PLB1: variants seen among roughly 807,000 people sequenced by gnomAD.
The protein encoded by PLB1 is phospholipase B1, also known as phospholipase B1, membrane-associated.
In PLB1, 242 loss-of-function variants were observed where a neutral mutation model predicts 227.4. The observed-to-expected ratio is 1.06, with a 90% CI of 0.96 to 1.18. The LOEUF (loss-of-function observed/expected upper bound fraction) is 1.18, where lower values mean the gene tolerates loss of function less well. PLB1 is among the 50% of genes most tolerant of loss of function. The pLI is 0.00. For missense variants in PLB1, 1,858 were observed against 1,816.3 expected, an observed-to-expected ratio of 1.02 and a Z score of -0.42; for synonymous variants, 757 against 682.2, an observed-to-expected ratio of 1.11 and a Z score of -1.71.
intron 6 of PLB1, among the ~76,000 whole-genome samples, chr2:28,526,470 A>T (rs1448260402): frequency 6.6e-6 from 1 of 152,240 alleles, no homozygotes; most frequent in Non-Finnish European, 1.5e-5. Context: ...AGAGATAATT[A>T]TTGTTAGCAT....
At position 28,539,094 on chromosome 2, in the gene PLB1, C is replaced by G; in HGVS notation, c.619-5C>G. The G allele has an allele frequency of 6.2e-7, 1 of 1,611,284 alleles. No homozygotes were observed. Among genetic ancestry groups the G allele is most frequent in the Non-Finnish European group, 8.5e-7 (1 of 1,177,340 alleles). The stretch of plus-strand genomic sequence containing the variant: ...ACTCACCTCCCTCTCTGTGTGTCCT[C>G]CTAGGTCCCCAGAGCATTTGTAAAC... On this transcript the variant is annotated splice_polypyrimidine_tract_variant and splice_region_variant and intron_variant, in intron 10 of 57. Coordinates refer to ENST00000327757, the MANE Select transcript of PLB1 (RefSeq NM_153021.5).
chr2:28,573,454 A>G, intron 21 of PLB1, 149 bp downstream of exon 21: 1 of 638,694 alleles, frequency 1.6e-6, no homozygotes, highest in Non-Finnish European at 2.8e-6. Context: ...GCTCTCTTGG[A>G]GGTGTCACAG....
At chr2:28,543,916 A>G (rs1672856370) in intron 14 of PLB1, among the ~76,000 whole-genome samples, 1 of 152,232 alleles carries the variant, frequency 6.6e-6, no homozygotes, top group Non-Finnish European at 1.5e-5. Flanking sequence ...GGGATTAGTC[A>G]GGGGATGGAA....
In PLB1 at chr2:28,540,363, C is replaced by A. The variant is rs79986357; in HGVS notation, c.699-3C>A. 53,175 of 1,613,344 alleles carry A rather than the reference C, an allele frequency of 0.033. 1,195 individuals carry two copies. Among genetic ancestry groups the A allele is most frequent in the Middle Eastern group, 0.08 (485 of 6,060 alleles). On this transcript the variant is annotated splice_region_variant and splice_polypyrimidine_tract_variant and intron_variant, in intron 11 of 57. Coordinates refer to ENST00000327757, the MANE Select transcript of PLB1 (RefSeq NM_153021.5). The stretch of plus-strand genomic sequence containing the variant: ...CTCATTCCTGGTGTGTTTTAACCTG[C>A]AGCCCTGCACCAGAGCCCTGTAATT...
chr2:28,573,096 G>C (rs1181929386), intron 20 of PLB1, 101 bp from the exon 21 acceptor site: 34 of 879,572 alleles, frequency 3.9e-5, no homozygotes, highest in Non-Finnish European at 9.2e-6. Flanking sequence ...AGGGGCTGCG[G>C]AGTGGGGACT....
Position 28,620,658 on chromosome 2 carries a change from A to G in PLB1, c.3427+15A>G. 1 of 1,613,880 alleles carries G rather than the reference A, an allele frequency of 6.2e-7. No homozygotes were observed. The highest frequency in any genetic ancestry group is 1.1e-5 in the South Asian group (1 of 91,004). On this transcript the variant is annotated intron_variant, in intron 48 of 57. Transcript: ENST00000327757. ...CACACTGCCCAGTAAGTAGCAGCCC[A>G]GAGAGGCACCATCACTGTGGCCGTC...
intron 14 of PLB1, among the ~76,000 whole-genome samples, chr2:28,545,658 G>A (rs1020782357): frequency 1.3e-5 from 2 of 152,190 alleles, no homozygotes; most frequent in African/African-American, 4.8e-5. Context: ...AGGGCATTGG[G>A]CTCCTTCCTA....
At chr2:28,585,663 A>G (rs1195992805) in intron 25 of PLB1, 98 bp from the exon 26 acceptor site, 13 of 1,017,488 alleles carry the variant, frequency 1.3e-5, no homozygotes, top group Non-Finnish European at 1.9e-5. Flanking sequence ...ACTCCAAGTT[A>G]AAAGAAATGT....
chr2:28,532,256 A>C, intron 9 of PLB1, 62 bp downstream of exon 9: 1 of 1,360,570 alleles, frequency 7.3e-7, no homozygotes, highest in Non-Finnish European at 1.0e-6. Flanking sequence ...GAGTGAACTA[A>C]ACCTGCCTGA....
At chr2:28,593,173 T>C (rs1012109374) in intron 32 of PLB1, among the ~76,000 whole-genome samples, 36 of 152,132 alleles carry the variant, frequency 2.4e-4, no homozygotes, top group Non-Finnish European at 1.3e-4. Flanking sequence ...GGGGCTATTT[T>C]ACTATCCCAG....
Position 28,518,481 on chromosome 2 carries a change from C to G in PLB1, c.133C>G (p.Pro45Ala), listed in dbSNP as rs1298368025. 2.5e-6 allele frequency: 4 copies of G among 1,612,590 alleles called. No homozygotes were observed. Among genetic ancestry groups the G allele is most frequent in the African/African-American group, 2.7e-5 (2 of 75,034 alleles). ...TCAATTGCAGACCCTGAAGAATTCTCCATTCCCATGCAACCCAAATAAATT... is the reference window on the plus strand; with the variant it reads ...TCAATTGCAGACCCTGAAGAATTCTGCATTCCCATGCAACCCAAATAAATT... Reference protein sequence around the residue: ...QLWPETLKNSPFPCNPNKLGV... With the variant: ...QLWPETLKNSAFPCNPNKLGV... The change falls in exon 3 of 58, where the codon CCA (proline) becomes GCA (alanine). Residue 45 changes from proline to alanine, a missense_variant. Physicochemically the swap from Pro to Ala is conservative, Grantham distance 27. Coordinates refer to ENST00000327757, the MANE Select transcript of PLB1 (RefSeq NM_153021.5).
intron 56 of PLB1, among the ~76,000 whole-genome samples, chr2:28,635,085 A>G (rs1200474372): frequency 3.3e-5 from 5 of 152,186 alleles, no homozygotes; most frequent in African/African-American, 7.2e-5. Context: ...TGGAAACAAA[A>G]CAAGACTGTC....
intron 35 of PLB1, among the ~76,000 whole-genome samples, chr2:28,599,931 T>C (rs1195197959): frequency 6.6e-6 from 1 of 151,596 alleles, no homozygotes; most frequent in Admixed American, 6.6e-5. Context: ...GTTTTTAAGA[T>C]GGGGTTTCAC....
At chr2:28,588,931 C>A (rs996552706) in intron 26 of PLB1, among the ~76,000 whole-genome samples, 3 of 151,884 alleles carry the variant, frequency 2.0e-5, no homozygotes, top group Non-Finnish European at 4.4e-5. Context: ...TTTGGGAGGC[C>A]GAGGCGGGTG....
At chr2:28,508,918 C>T (rs1488563041) in intron 1 of PLB1, among the ~76,000 whole-genome samples, 3 of 152,188 alleles carry the variant, frequency 2.0e-5, no homozygotes, top group African/African-American at 4.8e-5. Context: ...GAAAGTCCTC[C>T]CTGATGCCTA....
intron 43 of PLB1, among the ~76,000 whole-genome samples, chr2:28,609,084 T>G (rs1159922184): frequency 6.6e-6 from 1 of 151,968 alleles, no homozygotes; most frequent in Non-Finnish European, 1.5e-5. Context: ...CCCAGCTAAT[T>G]TTGGTTTATT....
intron 2 of PLB1, 56 bp from the exon 3 acceptor site, chr2:28,518,410 C>G: frequency 7.4e-7 from 1 of 1,343,446 alleles, no homozygotes; most frequent in East Asian, 2.3e-5. Context: ...TTTTCAGGAC[C>G]TGCAATATTT....
At chr2:28,525,439 G>C in intron 5 of PLB1, 132 bp downstream of exon 5, 8 of 1,029,280 alleles carry the variant, frequency 7.8e-6, no homozygotes, top group Non-Finnish European at 8.5e-6. Flanking sequence ...CCTCTGAGAA[G>C]GTAGCAGAGA....
At chr2:28,590,285 C>T (rs1407525848) in intron 29 of PLB1, among the ~76,000 whole-genome samples, 4 of 152,230 alleles carry the variant, frequency 2.6e-5, no homozygotes, top group Admixed American at 6.5e-5. Flanking sequence ...TTGGTCCCTG[C>T]GTGGCTGGGA....
Sources: allele counts gnomAD v4.1 joint callset (sites outside exome capture counted in the v4.1 genomes callset), GRCh38; gene constraint gnomAD v4.1.1; transcripts MANE v1.5; gene names NCBI Gene and HGNC (gene_info 2026-07-23, HGNC 2026-07-21).